ZNF385B: variants seen among roughly 807,000 people sequenced by gnomAD.
ZNF385B encodes the protein zinc finger protein 385B, also known as zinc finger protein 533.
ZNF385B carries 23 observed loss-of-function variants against 39.2 expected under a neutral mutation model. That is an observed-to-expected ratio of 0.59 (90% CI 0.42 to 0.83). The LOEUF (loss-of-function observed/expected upper bound fraction) is 0.83, where lower values mean the gene tolerates loss of function less well. Among genes scored for constraint, ZNF385B ranks in the 40% least tolerant of loss-of-function variants. The pLI, the probability that ZNF385B is intolerant of heterozygous loss-of-function variation, is 0.00. For synonymous variants in ZNF385B, 205 were observed against 222.6 expected (o/e 0.92, Z 0.70); for missense variants, 552 against 598.9 (o/e 0.92, Z 0.82).
intron 3 of ZNF385B, among the ~76,000 whole-genome samples, chr2:179,625,000 ATAC>A (rs1234507725): frequency 6.6e-6 from 1 of 152,200 alleles, no homozygotes; most frequent in Non-Finnish European, 1.5e-5. Context: ...AAAAGATTCT[ATAC>A]TGGACCATAA....
chr2:179,496,613 C>A (rs1243498826), intron 5 of ZNF385B, among the ~76,000 whole-genome samples: 1 of 152,134 alleles, frequency 6.6e-6, no homozygotes, highest in African/African-American at 2.4e-5. Flanking sequence ...AAATCACATA[C>A]AACAGAGCTC....
At chr2:179,708,233 C>G (rs1699760313) in intron 3 of ZNF385B, among the ~76,000 whole-genome samples, 1 of 152,172 alleles carries the variant, frequency 6.6e-6, no homozygotes, top group Admixed American at 6.5e-5. Context: ...GTGGTTTCCC[C>G]CACGCTGTTC....
At chr2:179,630,032 C>T (rs1441334124) in intron 3 of ZNF385B, among the ~76,000 whole-genome samples, 1 of 152,250 alleles carries the variant, frequency 6.6e-6, no homozygotes, top group African/African-American at 2.4e-5. Context: ...CTGGGCGGAG[C>T]CCACTGCAGC....
At chr2:179,702,151 A>G (rs1421328630) in intron 3 of ZNF385B, among the ~76,000 whole-genome samples, 1 of 152,218 alleles carries the variant, frequency 6.6e-6, no homozygotes, top group Non-Finnish European at 1.5e-5. Flanking sequence ...TTAAAGTATA[A>G]TAAAAAAATG....
chr2:179,741,255 G>T (rs1244509136), intron 3 of ZNF385B, among the ~76,000 whole-genome samples: 1 of 152,022 alleles, frequency 6.6e-6, no homozygotes, highest in Non-Finnish European at 1.5e-5. Context: ...TCAACTGCAG[G>T]TTCTCCTAAC....
chr2:179,491,784 AGACTCCTGG>A (rs1394695475), intron 5 of ZNF385B, among the ~76,000 whole-genome samples: 2 of 152,148 alleles, frequency 1.3e-5, no homozygotes, highest in Non-Finnish European at 2.9e-5. Flanking sequence ...CTGCAACCTC[AGACTCCTGG>A]GCTCACGCTG....
rs1029802729 is a variant in ZNF385B at position 179,779,693 on chromosome 2, C to G, written c.-154-9021G>C. Among the ~76,000 whole-genome samples, 3 of 152,118 alleles carry G rather than the reference C, an allele frequency of 2.0e-5. 1 individual carries two copies. The highest frequency in any genetic ancestry group is 2.0e-4 in the Admixed American group (3 of 15,278). ...AACACTTGGAGAAGAAACATCCCAT[C>G]CACATGTCTTGCTGGTGGATTAGCT... is the stretch of plus-strand genomic sequence containing the variant. On this transcript the variant is annotated intron_variant, in intron 1 of 9. Transcript: ENST00000410066.
rs1260848920 is a variant in ZNF385B, at chr2:179,751,585, A to T, written c.298+17918T>A. Among the ~76,000 whole-genome samples, 18 of 152,036 alleles carry T rather than the reference A, an allele frequency of 1.2e-4. No individual in the cohort carries two copies. In the Admixed American group the frequency reaches 1.2e-3, roughly 10 times the overall value. The stretch of plus-strand genomic sequence containing the variant: ...TACCTATCATTAATGTCCTGACCCC[A>T]GAAGCCATTTAATACCAATAACTGT... On this transcript the variant is annotated intron_variant, in intron 3 of 9. Coordinates refer to ENST00000410066, the MANE Select transcript of ZNF385B (RefSeq NM_152520.6).
rs535224848 is a variant in ZNF385B, at chr2:179,615,382, G to A, written c.299-70413C>T. On this transcript the variant is annotated intron_variant, in intron 3 of 9. Transcript: ENST00000410066. ...TACCAGCAGGAGAAGCAATATCCCAGAACTTGTTAAAAATGCATGTTATTG... is the reference window on the plus strand; with the variant it reads ...TACCAGCAGGAGAAGCAATATCCCAAAACTTGTTAAAAATGCATGTTATTG... Among the ~76,000 whole-genome samples the A allele has an allele frequency of 2.6e-5, 4 of 152,100 alleles. No individual in the cohort carries two copies. In the South Asian group the frequency reaches 8.3e-4, roughly 32 times the overall value.
intron 6 of ZNF385B, among the ~76,000 whole-genome samples, chr2:179,458,121 G>GA (rs1424943270): frequency 1.3e-5 from 2 of 152,188 alleles, no homozygotes; most frequent in African/African-American, 4.8e-5. Context: ...TGATGCCATA[G>GA]AAAGCATACC....
chr2:179,772,022 C>T (rs984239988), intron 1 of ZNF385B, among the ~76,000 whole-genome samples: 4 of 152,138 alleles, frequency 2.6e-5, no homozygotes, highest in African/African-American at 9.7e-5. Flanking sequence ...GGTGCCCAGG[C>T]TTGTCCATAT....
intron 1 of ZNF385B, among the ~76,000 whole-genome samples, chr2:179,848,979 C>T (rs1292487091): frequency 6.6e-6 from 1 of 152,208 alleles, no homozygotes; most frequent in Non-Finnish European, 1.5e-5. Context: ...ACTTAATATA[C>T]ATTATCTCAT....
At chr2:179,673,189 T>C (rs1164971499) in intron 3 of ZNF385B, among the ~76,000 whole-genome samples, 2 of 152,130 alleles carry the variant, frequency 1.3e-5, no homozygotes, top group Non-Finnish European at 2.9e-5. Context: ...AAGTAACATA[T>C]ATGTTCCAGG....
chr2:179,501,531 CAATT>C (rs2056758831), intron 5 of ZNF385B, among the ~76,000 whole-genome samples: 2 of 151,948 alleles, frequency 1.3e-5, no homozygotes, highest in African/African-American at 4.8e-5. Context: ...AAAATTAAAA[CAATT>C]AAAGTCATGG....
intron 1 of ZNF385B, among the ~76,000 whole-genome samples, chr2:179,823,497 T>C (rs1707517046): frequency 6.6e-6 from 1 of 152,152 alleles, no homozygotes; most frequent in Non-Finnish European, 1.5e-5. Flanking sequence ...TGTTCCCATT[T>C]TTTCTCTTAG....
At chr2:179,857,321 G>C (rs1045034556) in intron 1 of ZNF385B, among the ~76,000 whole-genome samples, 3 of 152,198 alleles carry the variant, frequency 2.0e-5, no homozygotes, top group African/African-American at 4.8e-5. Flanking sequence ...GGTTGGTGCA[G>C]TGCCCTTAGG....
chr2:179,571,992 T>A (rs1271255716), intron 3 of ZNF385B, among the ~76,000 whole-genome samples: 1 of 144,512 alleles, frequency 6.9e-6, no homozygotes, highest in African/African-American at 2.6e-5. Flanking sequence ...CCAGATCCCT[T>A]CCTGTGAGGT....
intron 6 of ZNF385B, 111 bp from the exon 7 acceptor site, chr2:179,446,881 T>C: frequency 2.2e-6 from 3 of 1,371,072 alleles, no homozygotes; most frequent in African/African-American, 1.5e-5. Context: ...GAAGTTTTTA[T>C]TGCAGCATAG....
At chr2:179,462,701 A>C (rs577213538) in intron 6 of ZNF385B, among the ~76,000 whole-genome samples, 1 of 152,208 alleles carries the variant, frequency 6.6e-6, no homozygotes, top group Admixed American at 6.5e-5. Flanking sequence ...CTATATTGTT[A>C]GATGCACAAA....
Sources: allele counts gnomAD v4.1 joint callset (sites outside exome capture counted in the v4.1 genomes callset), GRCh38; gene constraint gnomAD v4.1.1; transcripts MANE v1.5; gene names NCBI Gene and HGNC (gene_info 2026-07-23, HGNC 2026-07-21).